Variants in ZBTB40 observed in about 807,000 individuals in gnomAD.
ZBTB40 encodes the protein zinc finger and BTB domain containing 40.
Under a neutral mutation model 117.5 loss-of-function variants are expected in ZBTB40, and 60 were observed. The observed-to-expected ratio is 0.51, with a 90% CI of 0.41 to 0.63. ZBTB40 has a LOEUF of 0.63. Ranked by LOEUF, ZBTB40 falls within the 30% of genes least tolerant of loss-of-function variation. The pLI is 0.00. For missense variants in ZBTB40, 1,287 were observed against 1,498.5 expected (o/e 0.86, Z 2.33); for synonymous variants, 525 against 577.1 (o/e 0.91, Z 1.29).
At chr1:22,493,715 G>A (rs1289215770) in intron 3 of ZBTB40, among the ~76,000 whole-genome samples, 1 of 151,480 alleles carries the variant, frequency 6.6e-6, no homozygotes, top group Non-Finnish European at 1.5e-5. Flanking sequence ...ATTTTCTAGA[G>A]TATTGTATAA....
intron 1 of ZBTB40, among the ~76,000 whole-genome samples, chr1:22,481,170 A>G (rs1388131697): frequency 6.6e-6 from 1 of 152,086 alleles, no homozygotes; most frequent in Non-Finnish European, 1.5e-5. Context: ...ATGTATTTTA[A>G]AAGCATTTTT....
intron 1 of ZBTB40, among the ~76,000 whole-genome samples, chr1:22,438,825 T>C (rs1173576030): frequency 7.2e-5 from 11 of 152,168 alleles, no homozygotes; most frequent in African/African-American, 2.7e-4. Context: ...GTATCTTCTT[T>C]AGAGAAATAT....
intron 1 of ZBTB40, among the ~76,000 whole-genome samples, chr1:22,452,257 C>T (rs1309593476): frequency 1.3e-5 from 2 of 152,150 alleles, no homozygotes; most frequent in Non-Finnish European, 2.9e-5. Context: ...CCAGGCCCGA[C>T]CTGACACCGC....
chr1:22,465,300 G>A (rs1219809296), intron 1 of ZBTB40, among the ~76,000 whole-genome samples: 1 of 152,170 alleles, frequency 6.6e-6, no homozygotes, highest in Non-Finnish European at 1.5e-5. Context: ...GTCTCTGCAG[G>A]TCTCTGAAGT....
At chr1:22,526,099 G>A in intron 17 of ZBTB40, 103 bp from the exon 18 acceptor site, 1 of 1,414,732 alleles carries the variant, frequency 7.1e-7, no homozygotes, top group African/African-American at 1.4e-5. Context: ...CTCCTCAGGT[G>A]AAAACATAAA....
intron 1 of ZBTB40, 80 bp downstream of exon 1, chr1:22,452,084 T>C (rs1050355960): frequency 6.6e-6 from 1 of 152,376 alleles, no homozygotes; most frequent in African/African-American, 2.4e-5. Flanking sequence ...AAATGAGGGG[T>C]GTATACAGAC....
At chr1:22,488,170 G>T (rs1020436582) in intron 1 of ZBTB40, among the ~76,000 whole-genome samples, 4 of 152,010 alleles carry the variant, frequency 2.6e-5, no homozygotes, top group African/African-American at 7.3e-5. Context: ...TCATTATGTT[G>T]CCTTTTAGTT....
At position 22,522,248 on chromosome 1, in the gene ZBTB40, G is replaced by T. The variant is rs140338467; in HGVS notation, c.3212-129G>T. On this transcript the variant is annotated intron_variant, in intron 15 of 17. Transcript: ENST00000375647. ...TGTACAAATATACCATAGGTTATAA[G>T]ATTCCTGGCACTTGGTAGATGCTTG... 2.2e-5 allele frequency: 19 copies of T among 863,200 alleles called. No homozygotes were observed. In the African/African-American group the frequency reaches 2.8e-4, roughly 13 times the overall value. The allele number at this position is 863,200 out of a possible 1,614,324, so 53.5% of individuals were successfully genotyped here.
At chr1:22,478,809 A>T (rs1035108634) in intron 1 of ZBTB40, among the ~76,000 whole-genome samples, 3 of 152,234 alleles carry the variant, frequency 2.0e-5, no homozygotes, top group African/African-American at 7.2e-5. Flanking sequence ...TATAATTAAC[A>T]TACATTACAA....
At position 22,490,560 on chromosome 1, in the gene ZBTB40, G is replaced by A. The variant is rs146825007; in HGVS notation, c.612G>A (p.Ala204=). The change falls in exon 2 of 18, where the codon GCG becomes GCA. Residue 204 remains alanine (A), a synonymous_variant. Transcript: ENST00000375647. ...QESQRNAETP[A]ETPTTAEACS... ...GCCAGAGGAATGCAGAAACCCCAGC[G>A]GAGACTCCTACTACAGCTGAAGCTT... 102 of 1,613,832 alleles carry A rather than the reference G, an allele frequency of 6.3e-5. No individual in the cohort carries two copies. The highest frequency in any genetic ancestry group is 8.1e-5 in the Non-Finnish European group (96 of 1,179,908).
intron 14 of ZBTB40, 52 bp from the exon 15 acceptor site, chr1:22,521,444 C>T (rs973850384): frequency 1.2e-6 from 2 of 1,610,716 alleles, no homozygotes; most frequent in Non-Finnish European, 1.7e-6. Flanking sequence ...CTCGTGAGCT[C>T]TCCAGCTTGC....
At chr1:22,508,503 C>T (rs375282268) in intron 7 of ZBTB40, 27 bp from the exon 8 acceptor site, 60 of 1,613,332 alleles carry the variant, frequency 3.7e-5, no homozygotes, top group East Asian at 4.5e-5. Context: ...GAGTCTCTTA[C>T]GTGAGTGTTT....
At chr1:22,433,538 G>C (rs1019755244) in intron 1 of ZBTB40, among the ~76,000 whole-genome samples, 2 of 141,750 alleles carry the variant, frequency 1.4e-5, no homozygotes, top group Non-Finnish European at 3.0e-5. Flanking sequence ...ATGACTTAAA[G>C]TATACAGGAG....
At chr1:22,523,743 T>C (rs1639601124) in intron 16 of ZBTB40, among the ~76,000 whole-genome samples, 1 of 152,228 alleles carries the variant, frequency 6.6e-6, no homozygotes, top group Non-Finnish European at 1.5e-5. Context: ...AAGCCGTGGA[T>C]GCCCATTCTG....
At chr1:22,450,571 G>A (rs1352099012), upstream of ZBTB40, among the ~76,000 whole-genome samples, 1 of 152,234 alleles carries the variant, frequency 6.6e-6, no homozygotes, top group Non-Finnish European at 1.5e-5. Flanking sequence ...GGCAGCAAAA[G>A]TGGCTGCATG....
chr1:22,503,932 A>C (rs1447187159), intron 5 of ZBTB40, among the ~76,000 whole-genome samples: 1 of 152,230 alleles, frequency 6.6e-6, no homozygotes, highest in Non-Finnish European at 1.5e-5. Flanking sequence ...AACAGCATTT[A>C]TAGATAGAGT....
chr1:22,524,606 T>C (rs1639626768), intron 17 of ZBTB40, among the ~76,000 whole-genome samples, 162 bp downstream of exon 17: 1 of 152,204 alleles, frequency 6.6e-6, no homozygotes, highest in Non-Finnish European at 1.5e-5. Context: ...AGTCTCCTGG[T>C]GGCCACATGG....
chr1:22,520,791 G>T (rs886834807), intron 14 of ZBTB40, among the ~76,000 whole-genome samples: 2 of 152,204 alleles, frequency 1.3e-5, no homozygotes, highest in African/African-American at 4.8e-5. Flanking sequence ...ACAGAGAAAA[G>T]AATGGTCCTT....
At chr1:22,524,525 C>T in intron 17 of ZBTB40, 81 bp downstream of exon 17, 2 of 1,410,760 alleles carry the variant, frequency 1.4e-6, no homozygotes, top group Non-Finnish European at 2.0e-6. Context: ...TGTCATAGTA[C>T]CCAGAGATAC....
Sources: gnomAD v4.1 joint callset for allele counts (sites outside exome capture counted in the v4.1 genomes callset) on GRCh38, gnomAD v4.1.1 for gene constraint, MANE v1.5 for transcripts, NCBI Gene and HGNC (gene_info 2026-07-23, HGNC 2026-07-21) for gene names.